The following WDR72 variants were observed in gnomAD, a reference collection of about 807,000 sequenced individuals.
WDR72 encodes the protein WD repeat domain 72.
A neutral mutation model predicts 124.2 loss-of-function variants in WDR72; 120 were observed. The ratio of observed to expected loss-of-function variants is 0.97; its 90% CI spans 0.83 to 1.12. The LOEUF is 1.12. Among genes scored for constraint, WDR72 ranks in the 50% most tolerant of loss-of-function variants. The pLI is 0.00. For missense variants in WDR72, 1,387 were observed against 1,278.8 expected (o/e 1.08, Z -1.29); for synonymous variants, 452 against 441.7 (o/e 1.02, Z -0.29).
At position 53,733,032 on chromosome 15, in the gene WDR72, G is replaced by A. The variant is rs142154661; in HGVS notation, c.118C>T (p.Gln40Ter). The change falls in exon 2 of 20, where the codon CAG (glutamine) becomes TAG (stop). Residue 40 changes from glutamine to a stop codon, truncating the protein, a stop_gained. Transcript: ENST00000360509. LOFTEE classifies it high-confidence loss of function. ...TGTGAGAGATTCCAGAGACAGAGCT[G>A]ACCCTCTTGACTTCCAGTCACAATC... ...RTIVTGSQEG[Q>*]LCLWNLSHEL... 52 of 1,613,940 alleles carry A rather than the reference G, an allele frequency of 3.2e-5. No individual in the cohort carries two copies. The highest frequency in any genetic ancestry group is 4.3e-5 in the Non-Finnish European group (51 of 1,179,972).
intron 6 of WDR72, among the ~76,000 whole-genome samples, 171 bp from the exon 7 acceptor site, chr15:53,713,062 T>C (rs2017592362): frequency 1.3e-5 from 2 of 151,992 alleles, no homozygotes; most frequent in African/African-American, 4.8e-5. Context: ...ATAGAAGCTG[T>C]GTACCTGGGT....
intron 14 of WDR72, among the ~76,000 whole-genome samples, chr15:53,656,440 T>C (rs1473294971): frequency 6.6e-6 from 1 of 152,170 alleles, no homozygotes; most frequent in Admixed American, 6.5e-5. Context: ...TTTTTAATAG[T>C]ATGGGGAAAT....
At chr15:53,620,128 T>A (rs2013931034) in intron 14 of WDR72, among the ~76,000 whole-genome samples, 1 of 152,010 alleles carries the variant, frequency 6.6e-6, no homozygotes, top group African/African-American at 2.4e-5. Flanking sequence ...AAATAATTCC[T>A]AAAGGTATGA....
chr15:53,547,630 A>G (rs986273626), intron 18 of WDR72, among the ~76,000 whole-genome samples: 3 of 152,196 alleles, frequency 2.0e-5, no homozygotes, highest in Admixed American at 2.0e-4. Flanking sequence ...ATTTATTTGT[A>G]GGAAGAACTA....
rs2013718795 is a variant in WDR72 at position 53,615,506 on chromosome 15, A to G, written c.2700T>C (p.Thr900=). The change falls in exon 15 of 20, where the codon ACT becomes ACC. Residue 900 remains threonine, a synonymous_variant. Transcript: ENST00000360509. ...NNCDSLRESD[T]IVYLLSRLFL... is the part of the protein sequence containing the mutation. ...ATAGTCTGCTCAACAAATAAACTAT[A>G]GTATCTGACTCTCGCAAAGAATCAC... 3.7e-6 allele frequency: 6 copies of G among 1,612,788 alleles called. No homozygotes were observed. The highest frequency in any genetic ancestry group is 5.1e-6 in the Non-Finnish European group (6 of 1,179,338).
Position 53,722,888 on chromosome 15 carries a change from T to C in WDR72, c.174A>G (p.Leu58=), listed in dbSNP as rs775183089. ...ATGTTACCGAAGCTGAATGACCAAA[T>C]AGGAGTTCTTTCGCTGAAATCTGAA... The part of the protein sequence containing the change: ...HELKISAKEL[L]FGHSASVTCL... The change falls in exon 3 of 20, where the codon CTA becomes CTG. Residue 58 remains leucine, a synonymous_variant. Coordinates refer to ENST00000360509, the MANE Select transcript of WDR72 (RefSeq NM_182758.4). The C allele has an allele frequency of 1.1e-5, 18 of 1,613,962 alleles. No homozygotes were observed. Among genetic ancestry groups the C allele is most frequent in the African/African-American group, 2.7e-5 (2 of 74,928 alleles).
chr15:53,679,950 A>G (rs1288083352), intron 13 of WDR72, among the ~76,000 whole-genome samples: 1 of 149,874 alleles, frequency 6.7e-6, no homozygotes, highest in East Asian at 1.9e-4. Context: ...GCAGCAAAAA[A>G]AAAAAGAAAA....
chr15:53,761,869 C>A (rs1381580992), upstream of WDR72, among the ~76,000 whole-genome samples: 1 of 152,040 alleles, frequency 6.6e-6, no homozygotes, highest in African/African-American at 2.4e-5. Flanking sequence ...ACAAAAAATG[C>A]AGCCTCTGAA....
intron 13 of WDR72, among the ~76,000 whole-genome samples, chr15:53,685,116 C>T (rs1010193172): frequency 2.0e-5 from 3 of 151,318 alleles, no homozygotes; most frequent in African/African-American, 4.9e-5. Context: ...GGAGAAAAAA[C>T]AGAACAGAAA....
chr15:53,659,274 A>G (rs2015529492), intron 14 of WDR72, among the ~76,000 whole-genome samples: 1 of 152,216 alleles, frequency 6.6e-6, no homozygotes, highest in African/African-American at 2.4e-5. Context: ...ACTTGACAAC[A>G]TTAATATGGA....
intron 3 of WDR72, among the ~76,000 whole-genome samples, chr15:53,721,917 T>C (rs940001989): frequency 6.6e-6 from 1 of 152,188 alleles, no homozygotes; most frequent in African/African-American, 2.4e-5. Context: ...AGGGCAAGCT[T>C]TGCTCCCGTG....
chr15:53,614,156 T>C (rs559652336), intron 15 of WDR72, among the ~76,000 whole-genome samples: 8 of 152,200 alleles, frequency 5.3e-5, no homozygotes, highest in South Asian at 2.1e-4. Flanking sequence ...TGGAGCCTTA[T>C]GAAGGCAGGT....
At chr15:53,759,367 C>T (rs1475985613) in intron 1 of WDR72, 2 of 152,248 alleles carry the variant, frequency 1.3e-5, no homozygotes, top group African/African-American at 2.4e-5. Context: ...GCTTTGTTCA[C>T]TCCTGATGCC....
At chr15:53,728,254 T>C (rs1224657709) in intron 2 of WDR72, among the ~76,000 whole-genome samples, 5 of 152,092 alleles carry the variant, frequency 3.3e-5, no homozygotes, top group African/African-American at 4.8e-5. Flanking sequence ...TTTAAAACCA[T>C]CAGATCTTGT....
intron 13 of WDR72, among the ~76,000 whole-genome samples, chr15:53,697,878 C>T (rs6493642): frequency 2.0e-5 from 3 of 151,874 alleles, no homozygotes. Context: ...GCGCGATCTC[C>T]GCTCACTGCA....
At chr15:53,656,283 G>A (rs986598573) in intron 14 of WDR72, among the ~76,000 whole-genome samples, 1 of 152,134 alleles carries the variant, frequency 6.6e-6, no homozygotes, top group Non-Finnish European at 1.5e-5. Flanking sequence ...ACGTCATTTG[G>A]AGATGCAGAG....
chr15:53,743,282 G>C (rs1005309120), intron 1 of WDR72, among the ~76,000 whole-genome samples: 1 of 151,840 alleles, frequency 6.6e-6, no homozygotes, highest in Non-Finnish European at 1.5e-5. Flanking sequence ...AATTTATAGA[G>C]TTTAATTATA....
At chr15:53,576,122 G>A (rs1894745746) in intron 18 of WDR72, among the ~76,000 whole-genome samples, 2 of 151,756 alleles carry the variant, frequency 1.3e-5, no homozygotes, top group Non-Finnish European at 2.9e-5. Context: ...TTACACGATT[G>A]TATTCTAATT....
intron 1 of WDR72, among the ~76,000 whole-genome samples, chr15:53,743,080 T>TA (rs954772298): frequency 6.6e-6 from 1 of 151,924 alleles, no homozygotes; most frequent in African/African-American, 2.4e-5. Context: ...AGCCAGTAGG[T>TA]AAAAAAACAA....
Sources: allele counts gnomAD v4.1 joint callset (sites outside exome capture counted in the v4.1 genomes callset), GRCh38; gene constraint gnomAD v4.1.1; transcripts MANE v1.5; gene names NCBI Gene and HGNC (gene_info 2026-07-23, HGNC 2026-07-21).